KCNQ4: variants seen among roughly 807,000 people sequenced by gnomAD.
The protein encoded by KCNQ4 is potassium voltage-gated channel subfamily KQT member 4.
In KCNQ4, 31 loss-of-function variants were observed where a neutral mutation model predicts 72.6. That is an observed-to-expected ratio of 0.43 (90% CI 0.32 to 0.58). The LOEUF (loss-of-function observed/expected upper bound fraction) is 0.58. KCNQ4 is among the 20% of genes least tolerant of loss of function. KCNQ4 has a pLI of 0.08. For missense variants in KCNQ4, 869 were observed against 962.6 expected (o/e 0.90, Z 1.29); for synonymous variants, 405 against 403.7 (o/e 1.00, Z -0.04).
chr1:40,820,025 G>C, intron 6 of KCNQ4, 40 bp downstream of exon 6: 1 of 1,577,908 alleles, frequency 6.3e-7, no homozygotes, highest in Non-Finnish European at 8.7e-7. Context: ...GAGGCTGAGG[G>C]TGGGACCTGC....
intron 1 of KCNQ4, among the ~76,000 whole-genome samples, chr1:40,801,237 G>A (rs550637266): frequency 6.6e-6 from 1 of 152,168 alleles, no homozygotes; most frequent in African/African-American, 2.4e-5. Context: ...GGGCTAGGAA[G>A]AAAGAGGGGA....
Position 40,831,318 on chromosome 1 carries a change from G to C in KCNQ4, c.1513+14G>C. ...CCTCTGCTGAGGGTAAGCCCCCGGG[G>C]GGCTGAGTCCGATCGAGGGCCGGCT... On this transcript the variant is annotated intron_variant, in intron 10 of 13. Coordinates refer to ENST00000347132, the MANE Select transcript of KCNQ4 (RefSeq NM_004700.4). 1 of 1,576,122 alleles carries C rather than the reference G, an allele frequency of 6.3e-7. No homozygotes were observed. The highest frequency in any genetic ancestry group is 8.6e-7 in the Non-Finnish European group (1 of 1,159,850).
chr1:40,791,023 A>G (rs912929705), intron 1 of KCNQ4, among the ~76,000 whole-genome samples: 10 of 152,030 alleles, frequency 6.6e-5, no homozygotes, highest in Admixed American at 3.9e-4. Context: ...AAGTAGAGCC[A>G]TGGTGCCCAG....
At chr1:40,823,671 G>A (rs1648376669) in intron 8 of KCNQ4, among the ~76,000 whole-genome samples, 1 of 152,196 alleles carries the variant, frequency 6.6e-6, no homozygotes. Flanking sequence ...GCAAGAGTGA[G>A]TGCTGGAGGG....
rs767337917 is a variant in KCNQ4, at chr1:40,818,200, A to T, written c.442A>T (p.Ile148Phe). Reference sequence around the variant, plus strand: ...GATCGTGGTTTTCGGCTTGGAGTACATCGTCCGGGTCTGGTCCGCCGGATG... The same window carrying T: ...GATCGTGGTTTTCGGCTTGGAGTACTTCGTCCGGGTCTGGTCCGCCGGATG... The part of the protein sequence containing the change: ...VMIVVFGLEY[I>F]VRVWSAGCCC... The change falls in exon 3 of 14, where the codon ATC becomes TTC. Residue 148 changes from isoleucine to phenylalanine, a missense_variant. Around this residue, in one of 5 missense-constraint regions of KCNQ4, gnomAD observed 179 missense variants for 243.0 expected, o/e 0.74. Transcript: ENST00000347132. 1.5e-5 allele frequency: 24 copies of T among 1,613,856 alleles called. No homozygotes were observed. The highest frequency in any genetic ancestry group is 1.9e-5 in the Non-Finnish European group (22 of 1,180,014).
intron 1 of KCNQ4, among the ~76,000 whole-genome samples, chr1:40,806,381 C>T (rs1647760174): frequency 6.6e-6 from 1 of 152,222 alleles, no homozygotes; most frequent in East Asian, 1.9e-4. Context: ...CAGATGGATG[C>T]CCCTGTGTCC....
At chr1:40,810,144 G>A (rs1460624423) in intron 1 of KCNQ4, among the ~76,000 whole-genome samples, 1 of 152,090 alleles carries the variant, frequency 6.6e-6, no homozygotes, top group African/African-American at 2.4e-5. Flanking sequence ...AAGGCCCCTG[G>A]GTCTGGCCCT....
At chr1:40,816,231 G>A (rs775041358) in intron 1 of KCNQ4, among the ~76,000 whole-genome samples, 2 of 152,212 alleles carry the variant, frequency 1.3e-5, no homozygotes, top group Non-Finnish European at 1.5e-5. Context: ...TGTTCCCTCC[G>A]GAGTCTCCTC....
Position 40,784,446 on chromosome 1 carries a change from G to T in KCNQ4, c.314+39G>T, listed in dbSNP as rs1325104346. ...CCCGCGCCCTTCCGCGTTTCCCCGC[G>T]CAAGCCTGGCCTCCCGGGGCACGGC... is the stretch of plus-strand genomic sequence containing the variant. On this transcript the variant is annotated intron_variant, in intron 1 of 13. Transcript: ENST00000347132. The surrounding 1 kb of genome is among the most constrained non-coding windows in gnomAD (Gnocchi z 4.1). 1.3e-6 allele frequency: 2 copies of T among 1,591,696 alleles called. No individual in the cohort carries two copies. Among genetic ancestry groups the T allele is most frequent in the East Asian group, 2.2e-5 (1 of 44,588 alleles).
intron 12 of KCNQ4, 24 bp from the exon 13 acceptor site, chr1:40,837,641 C>T (rs1333645409): frequency 6.2e-7 from 1 of 1,609,200 alleles, no homozygotes; most frequent in South Asian, 1.1e-5. Context: ...TCCCCGGGCC[C>T]TCTGATGGTT....
At chr1:40,808,564 T>C (rs538576444) in intron 1 of KCNQ4, among the ~76,000 whole-genome samples, 1 of 152,092 alleles carries the variant, frequency 6.6e-6, no homozygotes, top group Non-Finnish European at 1.5e-5. Flanking sequence ...GAGTTGGGCC[T>C]TGCCTCTTCC....
At chr1:40,818,753 G>A in intron 4 of KCNQ4, 73 bp downstream of exon 4, 1 of 1,497,582 alleles carries the variant, frequency 6.7e-7, no homozygotes. Flanking sequence ...AGGGCGGAGA[G>A]GGCGAGGTCA....
At chr1:40,819,592 T>G (rs984273542) in intron 5 of KCNQ4, 120 bp downstream of exon 5, 3 of 1,362,366 alleles carry the variant, frequency 2.2e-6, no homozygotes, top group Non-Finnish European at 3.1e-6. Context: ...GCCCTCTCAC[T>G]AGAGCTGGGA....
At chr1:40,795,419 G>A (rs928296269) in intron 1 of KCNQ4, among the ~76,000 whole-genome samples, 4 of 151,906 alleles carry the variant, frequency 2.6e-5, no homozygotes, top group Admixed American at 1.3e-4. Context: ...ACGTCACGGC[G>A]CTAGGCTAAT....
intron 13 of KCNQ4, among the ~76,000 whole-genome samples, chr1:40,838,008 G>T (rs866692180): frequency 7.4e-6 from 1 of 134,734 alleles, no homozygotes; most frequent in Non-Finnish European, 1.6e-5. Context: ...GCATAAGCCC[G>T]CCCATAACCT....
rs905280998 is a variant in KCNQ4, at chr1:40,803,645, G to A, written c.315-13620G>A. ...TGTGGGTCAGGCCCAGAGAAGCTGCGCTCCTGGCCTCGAGTCACACAGCAA... is the reference window on the plus strand; with the variant it reads ...TGTGGGTCAGGCCCAGAGAAGCTGCACTCCTGGCCTCGAGTCACACAGCAA... On this transcript the variant is annotated intron_variant, in intron 1 of 13. Coordinates refer to ENST00000347132, the MANE Select transcript of KCNQ4 (RefSeq NM_004700.4). 4.6e-5 allele frequency among the ~76,000 whole-genome samples: 7 copies of A among 152,138 alleles called. No individual in the cohort carries two copies. The East Asian group carries it at 7.7e-4, about 17-fold the overall frequency.
intron 1 of KCNQ4, among the ~76,000 whole-genome samples, chr1:40,801,604 G>A (rs1647576210): frequency 6.6e-6 from 1 of 152,222 alleles, no homozygotes; most frequent in African/African-American, 2.4e-5. Flanking sequence ...GAGGGGGGCG[G>A]GAGAACCAGG....
chr1:40,831,042 T>A, intron 9 of KCNQ4, 42 bp from the exon 10 acceptor site: 26 of 1,421,256 alleles, frequency 1.8e-5, no homozygotes, highest in Non-Finnish European at 2.0e-5. Flanking sequence ...CACCCCCAGC[T>A]CTGGCTAACT....
At chr1:40,785,451 C>A (rs1647193063) in intron 1 of KCNQ4, among the ~76,000 whole-genome samples, 1 of 152,156 alleles carries the variant, frequency 6.6e-6, no homozygotes, top group South Asian at 2.1e-4. Flanking sequence ...CCCTTTGGCG[C>A]TGGGGTCTCC....
Sources: gnomAD v4.1 joint callset for allele counts (sites outside exome capture counted in the v4.1 genomes callset) on GRCh38, gnomAD v4.1.1 for gene constraint, gnomAD v4.1.1 regional missense constraint, Gnocchi (gnomAD v3.1) non-coding constraint, MANE v1.5 for transcripts, NCBI Gene and HGNC (gene_info 2026-07-23, HGNC 2026-07-21) for gene names.